CLASP2: variants seen among roughly 807,000 people sequenced by gnomAD.
CLASP2 encodes the protein CLIP-associating protein 2.
A neutral mutation model predicts 194.4 loss-of-function variants in CLASP2; 47 were observed. The observed-to-expected ratio is 0.24, with a 90% CI of 0.19 to 0.31. The LOEUF (loss-of-function observed/expected upper bound fraction) is 0.31, where lower values mean the gene tolerates loss of function less well. Ranked by LOEUF, CLASP2 falls within the 10% of genes least tolerant of loss-of-function variation. CLASP2 has a pLI of 1.00. For missense variants in CLASP2, 1,445 were observed against 1,823.6 expected (o/e 0.79, Z 3.78); for synonymous variants, 619 against 633.5 (o/e 0.98, Z 0.34).
Position 33,517,193 on chromosome 3 carries a change from A to G in CLASP2, c.3788-19T>C, listed in dbSNP as rs200939212. On this transcript the variant is annotated intron_variant, in intron 34 of 38. Coordinates refer to ENST00000682230, the MANE Select transcript of CLASP2 (RefSeq NM_001365631.1). ...GAAAGATCTGTCAAAAGGACATGGT[A>G]TTAGTTCTATAACTTTATAGGGTGA... The G allele has an allele frequency of 1.5e-4, 233 of 1,589,760 alleles. 4 individuals are homozygous for G. The East Asian group carries it at 5.2e-3, about 35-fold the overall frequency.
At chr3:33,503,242 T>C (rs1575577976) in intron 37 of CLASP2, 2 of 152,280 alleles carry the variant, frequency 1.3e-5, no homozygotes. Flanking sequence ...TTGTATGATA[T>C]ATCATGTTGT....
At chr3:33,631,501 G>T (rs536775190) in intron 9 of CLASP2, among the ~76,000 whole-genome samples, 1 of 152,224 alleles carries the variant, frequency 6.6e-6, no homozygotes, top group East Asian at 1.9e-4. Flanking sequence ...TTCGAGACCA[G>T]CCTGACCAAC....
intron 6 of CLASP2, among the ~76,000 whole-genome samples, chr3:33,666,997 T>A (rs2086285767): frequency 6.6e-6 from 1 of 152,226 alleles, no homozygotes; most frequent in Admixed American, 6.5e-5. Context: ...GCTATTGCCA[T>A]CTGTATATTC....
chr3:33,630,211 T>TAA (rs1393857693), intron 9 of CLASP2, among the ~76,000 whole-genome samples: 3 of 152,202 alleles, frequency 2.0e-5, no homozygotes, highest in African/African-American at 7.2e-5. Context: ...ATATACTTCT[T>TAA]ACACTTCATC....
intron 1 of CLASP2, among the ~76,000 whole-genome samples, chr3:33,714,490 T>C (rs1051093442): frequency 2.6e-5 from 4 of 152,190 alleles, no homozygotes. Context: ...TTTCAATAAA[T>C]AGCACAATCT....
At chr3:33,688,144 G>A (rs1005638941) in intron 4 of CLASP2, 133 bp downstream of exon 4, 1 of 585,650 alleles carries the variant, frequency 1.7e-6, no homozygotes, top group Non-Finnish European at 2.9e-6. Flanking sequence ...AACAGTAAAG[G>A]TATCAAATGA....
chr3:33,559,187 T>C (rs1268485157), intron 29 of CLASP2, 120 bp downstream of exon 29: 2 of 763,116 alleles, frequency 2.6e-6, no homozygotes, highest in South Asian at 1.5e-5. Flanking sequence ...TGAAAGTTTA[T>C]AAAAACAAAA....
At chr3:33,703,046 G>A (rs571584383) in intron 1 of CLASP2, among the ~76,000 whole-genome samples, 12 of 152,252 alleles carry the variant, frequency 7.9e-5, no homozygotes, top group African/African-American at 2.6e-4. Flanking sequence ...ACCTTGATGT[G>A]GCAATGTCTT....
At chr3:33,559,060 C>G in intron 29 of CLASP2, 1 of 573,670 alleles carries the variant, frequency 1.7e-6, no homozygotes, top group Non-Finnish European at 3.2e-6. Flanking sequence ...TAGTTGAATA[C>G]AGATGCAAAC....
rs369764443 is a variant in CLASP2, at chr3:33,606,773, G to T, written c.1527-15C>A. The T allele has an allele frequency of 3.2e-6, 5 of 1,566,830 alleles. No homozygotes were observed. Among genetic ancestry groups the T allele is most frequent in the Non-Finnish European group, 3.5e-6 (4 of 1,152,568 alleles). On this transcript the variant is annotated splice_polypyrimidine_tract_variant and intron_variant, in intron 15 of 38. Transcript: ENST00000682230. ...CCATGTATGTCCTGTTAAAAAAAAA[G>T]AAAAGCAGATGAAGTAATAGCTTTA... is the stretch of plus-strand genomic sequence containing the variant.
intron 13 of CLASP2, among the ~76,000 whole-genome samples, chr3:33,610,629 T>C (rs1187349766): frequency 2.6e-5 from 4 of 152,178 alleles, no homozygotes; most frequent in Non-Finnish European, 5.9e-5. Flanking sequence ...GGACAGTAAA[T>C]ATTTTAAGCT....
intron 28 of CLASP2, among the ~76,000 whole-genome samples, chr3:33,560,482 A>G (rs1257498107): frequency 1.3e-5 from 2 of 152,132 alleles, no homozygotes; most frequent in Non-Finnish European, 2.9e-5. Context: ...ACCTCAAGTG[A>G]TCTGCCTGCC....
At chr3:33,644,933 A>G (rs1466872636) in intron 7 of CLASP2, 30 bp from the exon 8 acceptor site, 1 of 1,563,034 alleles carries the variant, frequency 6.4e-7, no homozygotes, top group Admixed American at 1.9e-5. Flanking sequence ...AATGTATTTA[A>G]GAGAACTAAG....
intron 21 of CLASP2, 22 bp downstream of exon 21, chr3:33,592,373 A>T: frequency 4.7e-6 from 7 of 1,493,018 alleles, no homozygotes; most frequent in Non-Finnish European, 6.5e-6. Context: ...CAAATATAGG[A>T]GGGCTGATAA....
chr3:33,659,124 C>G (rs2084842280), intron 7 of CLASP2: 1 of 1,431,864 alleles, frequency 7.0e-7, no homozygotes, highest in Non-Finnish European at 9.1e-7. Context: ...GGCCTCGCTG[C>G]AGCTCTGCAC....
intron 13 of CLASP2, 115 bp downstream of exon 13, chr3:33,611,886 T>C: frequency 1.4e-6 from 1 of 709,630 alleles, no homozygotes; most frequent in South Asian, 2.1e-5. Flanking sequence ...AAACACTTTT[T>C]TATGGTTTTC....
At chr3:33,711,558 C>T (rs2093011135) in intron 1 of CLASP2, among the ~76,000 whole-genome samples, 3 of 151,236 alleles carry the variant, frequency 2.0e-5, no homozygotes, top group Non-Finnish European at 2.9e-5. Context: ...CCATGCTCAG[C>T]GCAGTATAGC....
Position 33,603,121 on chromosome 3 carries a change from T to C in CLASP2, c.1755A>G (p.Ser585=). The change falls in exon 18 of 39, where the codon TCA becomes TCG. Residue 585 remains serine, a synonymous_variant. Coordinates refer to ENST00000682230, the MANE Select transcript of CLASP2 (RefSeq NM_001365631.1). The part of the protein sequence containing the change: ...ANPSTVAGRV[S]AGSSKASSLP... ...GGGAACTGGCTTTGCTGCTGCCTGC[T>C]GATACTACGAAATACAAAGCAAAGA... is the stretch of plus-strand genomic sequence containing the variant. The C allele has an allele frequency of 6.4e-7, 1 of 1,570,422 alleles. No individual in the cohort carries two copies. The highest frequency in any genetic ancestry group is 1.7e-4 in the Middle Eastern group (1 of 5,958).
intron 18 of CLASP2, among the ~76,000 whole-genome samples, chr3:33,600,239 T>C (rs1003601008): frequency 6.6e-6 from 1 of 152,118 alleles, no homozygotes; most frequent in African/African-American, 2.4e-5. Flanking sequence ...CAATTTAACA[T>C]TACTTCAAGG....
Sources: allele counts gnomAD v4.1 joint callset (sites outside exome capture counted in the v4.1 genomes callset), GRCh38; gene constraint gnomAD v4.1.1; transcripts MANE v1.5; gene names NCBI Gene and HGNC (gene_info 2026-07-23, HGNC 2026-07-21).